PDE3B: variants seen among roughly 807,000 people sequenced by gnomAD.
The protein encoded by PDE3B is cGMP-inhibited 3',5'-cyclic phosphodiesterase 3B.
PDE3B carries 66 observed loss-of-function variants against 116.8 expected under a neutral mutation model. The observed-to-expected ratio is 0.56, with a 90% CI of 0.46 to 0.69. The LOEUF (loss-of-function observed/expected upper bound fraction) is 0.69, where lower values mean the gene tolerates loss of function less well. Among genes scored for constraint, PDE3B ranks in the 30% least tolerant of loss-of-function variants. The pLI, the probability that PDE3B is intolerant of heterozygous loss-of-function variation, is 0.00. For missense variants in PDE3B, 1,384 were observed against 1,368.1 expected, an observed-to-expected ratio of 1.01 and a Z score of -0.18; for synonymous variants, 595 against 533.6, an observed-to-expected ratio of 1.12 and a Z score of -1.59.
intron 10 of PDE3B, 53 bp downstream of exon 10, chr11:14,832,886 CTCTT>C: frequency 1.3e-6 from 1 of 765,074 alleles, no homozygotes; most frequent in Non-Finnish European, 2.2e-6. Flanking sequence ...GGTTTTGAAA[CTCTT>C]TATCATCTTT....
intron 1 of PDE3B, among the ~76,000 whole-genome samples, chr11:14,754,416 G>A (rs566215411): frequency 2.6e-5 from 4 of 152,086 alleles, no homozygotes; most frequent in African/African-American, 4.8e-5. Flanking sequence ...GCTCTCATGT[G>A]TATTATCTCA....
the PDE3B span, chr11:14,877,854 C>T: frequency 1.7e-5 from 7 of 423,414 alleles, no homozygotes; most frequent in South Asian, 2.4e-4. Flanking sequence ...TTAGGGCGTC[C>T]ATGACCCTTC....
At chr11:14,816,175 GA>G (rs1366690669) in intron 5 of PDE3B, among the ~76,000 whole-genome samples, 14 of 152,278 alleles carry the variant, frequency 9.2e-5, no homozygotes, top group African/African-American at 3.1e-4. Context: ...AAGCTAATTG[GA>G]TGAGGCCCAC....
chr11:14,787,782 C>T (rs990469043), intron 3 of PDE3B, among the ~76,000 whole-genome samples: 1 of 151,772 alleles, frequency 6.6e-6, no homozygotes, highest in Admixed American at 6.6e-5. Flanking sequence ...GAGGGCATAG[C>T]AATAAACCAT....
the PDE3B span, chr11:14,892,335 T>A: frequency 1.4e-5 from 12 of 877,588 alleles, no homozygotes; most frequent in Non-Finnish European, 1.6e-5. Context: ...GCTGACTGAG[T>A]GAGCGCTCAG....
chr11:14,893,204 T>C, the PDE3B span, among the ~76,000 whole-genome samples: 2 of 152,242 alleles, frequency 1.3e-5, no homozygotes, highest in African/African-American at 2.4e-5. Flanking sequence ...CAAAGTCCTT[T>C]CTATAACTTA....
At chr11:14,675,845 G>A (rs1442790858) in intron 1 of PDE3B, among the ~76,000 whole-genome samples, 1 of 152,072 alleles carries the variant, frequency 6.6e-6, no homozygotes, top group African/African-American at 2.4e-5. Flanking sequence ...GCTGCTCTGA[G>A]CATTCTTGTG....
intron 5 of PDE3B, among the ~76,000 whole-genome samples, chr11:14,810,205 T>C (rs1859082225): frequency 6.6e-6 from 1 of 152,152 alleles, no homozygotes; most frequent in South Asian, 2.1e-4. Flanking sequence ...TTAGGGTACA[T>C]GTGCCCAATG....
chr11:14,694,323 A>G (rs1855138604), intron 1 of PDE3B, among the ~76,000 whole-genome samples: 1 of 152,184 alleles, frequency 6.6e-6, no homozygotes, highest in Admixed American at 6.6e-5. Context: ...GTATGGATAA[A>G]ATGAAGCATT....
At chr11:14,789,311 T>G (rs1858314292) in intron 4 of PDE3B, 69 bp downstream of exon 4, 1 of 1,214,754 alleles carries the variant, frequency 8.2e-7, no homozygotes, top group African/African-American at 1.5e-5. Context: ...CAATAATGTT[T>G]CAAATAGTTC....
rs533966916 is a variant in PDE3B at position 14,844,887 on chromosome 11, T to C, written c.2520+861T>C. Among the ~76,000 whole-genome samples the C allele has an allele frequency of 1.8e-3, 280 of 152,330 alleles. 1 individual carries two copies. The highest frequency in any genetic ancestry group is 6.3e-3 in the African/African-American group (264 of 41,588). ...GCCCAAGGAGGCCTGCCTGCCTCTG[T>C]AGGCTCCACCTCTGGGGGCAGGGCA... On this transcript the variant is annotated intron_variant, in intron 12 of 15. Coordinates refer to ENST00000282096, the MANE Select transcript of PDE3B (RefSeq NM_000922.4).
intron 1 of PDE3B, among the ~76,000 whole-genome samples, chr11:14,651,263 G>A (rs951270945): frequency 5.9e-5 from 9 of 152,128 alleles, no homozygotes; most frequent in Admixed American, 5.9e-4. Context: ...TGTTCACATA[G>A]TCTTTCCCTG....
chr11:14,869,315 TA>T (rs1354275089), intron 15 of PDE3B, 145 bp from the exon 16 acceptor site: 1 of 386,436 alleles, frequency 2.6e-6, no homozygotes, highest in Admixed American at 4.3e-5. Flanking sequence ...ACTATTTCAT[TA>T]TATTATTTTT....
At chr11:14,812,776 C>T (rs945568293) in intron 5 of PDE3B, among the ~76,000 whole-genome samples, 1 of 151,466 alleles carries the variant, frequency 6.6e-6, no homozygotes, top group Non-Finnish European at 1.5e-5. Flanking sequence ...AAGGTTATAT[C>T]CAATGCCTTA....
intron 1 of PDE3B, among the ~76,000 whole-genome samples, chr11:14,658,106 A>C (rs539605212): frequency 6.6e-6 from 1 of 152,210 alleles, no homozygotes; most frequent in South Asian, 2.1e-4. Context: ...TTCCAAGAGC[A>C]AAAAAAGGGG....
the PDE3B span, chr11:14,890,862 T>C: frequency 2.0e-6 from 2 of 985,338 alleles, no homozygotes; most frequent in South Asian, 9.4e-5. Flanking sequence ...AGACCAATCC[T>C]TGTAAAAATT....
intron 2 of PDE3B, among the ~76,000 whole-genome samples, chr11:14,778,921 T>C (rs1857879688): frequency 6.6e-6 from 1 of 152,034 alleles, no homozygotes; most frequent in African/African-American, 2.4e-5. Context: ...GCCAAAAACC[T>C]TGAAAAAAGA....
intron 1 of PDE3B, among the ~76,000 whole-genome samples, chr11:14,738,690 G>C (rs1856669606): frequency 6.6e-6 from 1 of 152,302 alleles, no homozygotes; most frequent in African/African-American, 2.4e-5. Flanking sequence ...CCTATGTCCT[G>C]AATGGTATTG....
intron 14 of PDE3B, among the ~76,000 whole-genome samples, chr11:14,864,359 G>T (rs1848005856): frequency 6.6e-6 from 1 of 152,108 alleles, no homozygotes; most frequent in Non-Finnish European, 1.5e-5. Flanking sequence ...AATAGTGGGA[G>T]ATTTTAACAC....
Sources: allele counts gnomAD v4.1 joint callset (sites outside exome capture counted in the v4.1 genomes callset), GRCh38; gene constraint gnomAD v4.1.1; transcripts MANE v1.5; gene names NCBI Gene and HGNC (gene_info 2026-07-23, HGNC 2026-07-21).